NTM: variants seen among roughly 807,000 people sequenced by gnomAD.
NTM encodes IgLON family member 2.
A neutral mutation model predicts 42.1 loss-of-function variants in NTM; 13 were observed. The observed-to-expected ratio is 0.31, with a 90% CI of 0.20 to 0.49. The LOEUF (loss-of-function observed/expected upper bound fraction) is 0.49, where lower values mean the gene tolerates loss of function less well. NTM is among the 20% of genes least tolerant of loss of function. The probability of loss-of-function intolerance (pLI) is 0.99; values close to 1 mark genes in which losing one functional copy is unlikely to be tolerated. For missense variants in NTM, 373 were observed against 452.8 expected, an observed-to-expected ratio of 0.82 and a Z score of 1.60; for synonymous variants, 187 against 179.2, an observed-to-expected ratio of 1.04 and a Z score of -0.35.
At chr11:132,091,596 T>A (rs2136414287) in intron 2 of NTM, among the ~76,000 whole-genome samples, 1 of 151,932 alleles carries the variant, frequency 6.6e-6, no homozygotes, top group Admixed American at 6.6e-5. Context: ...TCCTCCCACC[T>A]CAGCCTCCCG....
chr11:131,835,906 A>G (rs2043424143), intron 1 of NTM, among the ~76,000 whole-genome samples: 1 of 152,214 alleles, frequency 6.6e-6, no homozygotes, highest in Non-Finnish European at 1.5e-5. Context: ...TACACATGTC[A>G]TAGAAGAGTG....
chr11:131,842,173 C>A (rs559205747), intron 1 of NTM, among the ~76,000 whole-genome samples: 9 of 152,260 alleles, frequency 5.9e-5, no homozygotes, highest in Non-Finnish European at 8.8e-5. Context: ...GGTTTTAGGG[C>A]AGAAGTTTCT....
chr11:131,760,857 T>C (rs945535924), intron 1 of NTM, among the ~76,000 whole-genome samples: 2 of 152,186 alleles, frequency 1.3e-5, no homozygotes, highest in African/African-American at 4.8e-5. Context: ...AAGAGGACTG[T>C]GCCCACGATG....
intron 2 of NTM, among the ~76,000 whole-genome samples, chr11:131,979,964 A>G (rs1439352251): frequency 1.3e-5 from 2 of 152,212 alleles, no homozygotes; most frequent in Non-Finnish European, 2.9e-5. Context: ...GGTGATAGAA[A>G]GGTGGCTTTA....
At chr11:131,415,708 G>A (rs1946873476) in intron 1 of NTM, among the ~76,000 whole-genome samples, 1 of 152,136 alleles carries the variant, frequency 6.6e-6, no homozygotes, top group Non-Finnish European at 1.5e-5. Context: ...TGGGGGTGAG[G>A]CCCAGAAATC....
chr11:131,796,117 G>A, intron 1 of NTM: 9 of 985,394 alleles, frequency 9.1e-6, no homozygotes, highest in Non-Finnish European at 1.1e-5. Flanking sequence ...TAGGGAACTG[G>A]CCACAGGAAG....
Position 132,200,542 on chromosome 11 carries a change from C to A in NTM, c.401-11480C>A, listed in dbSNP as rs560573122. Among the ~76,000 whole-genome samples, 27 of 152,280 alleles carry A rather than the reference C, an allele frequency of 1.8e-4. 1 individual carries two copies. In the South Asian group the frequency reaches 5.6e-3, roughly 32 times the overall value. On this transcript the variant is annotated intron_variant, in intron 3 of 8. Coordinates refer to ENST00000683400, the MANE Select transcript of NTM (RefSeq NM_001352005.2). ...CTTCTTACTGCAGTCAGCATAATTC[C>A]CTGCTGCATACAGTTTTATAGCTTG...
intron 2 of NTM, among the ~76,000 whole-genome samples, chr11:132,027,885 T>TTTG (rs1239005653): frequency 6.6e-6 from 1 of 152,192 alleles, no homozygotes; most frequent in Non-Finnish European, 1.5e-5. Context: ...TACACTTCCT[T>TTTG]TTGTAGTTGG....
chr11:132,314,845 C>A, intron 7 of NTM, 142 bp downstream of exon 7: 1 of 1,388,788 alleles, frequency 7.2e-7, no homozygotes, highest in Non-Finnish European at 9.3e-7. Flanking sequence ...AAGAGAGAGA[C>A]ACAGAAAGAA....
rs768642700 is a variant in NTM at position 132,307,786 on chromosome 11, C to T, written c.624C>T (p.Ala208=). 2.5e-5 allele frequency: 41 copies of T among 1,614,050 alleles called. No homozygotes were observed. Among genetic ancestry groups the T allele is most frequent in the Admixed American group, 5.0e-5 (3 of 59,996 alleles). ...DYECSASNDV[A]APVVRRVKVT... ...AGTGCAGTGCCTCCAATGACGTGGC[C>T]GCGCCCGTGGTACGGAGAGTAAAGG... Residue 208 remains alanine (A), a synonymous_variant, in exon 5 of 9, where the codon GCC becomes GCT. Coordinates refer to ENST00000683400, the MANE Select transcript of NTM (RefSeq NM_001352005.2).
intron 1 of NTM, among the ~76,000 whole-genome samples, chr11:131,869,096 GC>G (rs67492185): frequency 0.2 from 30,392 of 151,686 alleles, 3,462 homozygotes; most frequent in East Asian, 0.32. Context: ...TCACCCCCCA[GC>G]CCCCCGCAAT....
intron 2 of NTM, among the ~76,000 whole-genome samples, chr11:132,007,718 A>G (rs2071131873): frequency 6.6e-6 from 1 of 152,174 alleles, no homozygotes. Flanking sequence ...GTGTTTGTGT[A>G]TCAGGTTTTA....
In NTM at chr11:131,937,716, G is replaced by A. The variant is rs140589656; in HGVS notation, c.167+26068G>A. Reference sequence around the variant, plus strand: ...ATCTGGTTCTGGGTCTAACTCTAGCGATAAATTATAATTTTTTACTTCTAG... The same window carrying A: ...ATCTGGTTCTGGGTCTAACTCTAGCAATAAATTATAATTTTTTACTTCTAG... On this transcript the variant is annotated intron_variant, in intron 2 of 8. Coordinates refer to ENST00000683400, the MANE Select transcript of NTM (RefSeq NM_001352005.2). Among the ~76,000 whole-genome samples the A allele has an allele frequency of 1.6e-4, 25 of 152,190 alleles. No individual in the cohort carries two copies. In the East Asian group the frequency reaches 2.3e-3, roughly 14 times the overall value.
intron 1 of NTM, among the ~76,000 whole-genome samples, chr11:131,833,210 A>G (rs1283016569): frequency 1.3e-5 from 2 of 152,214 alleles, no homozygotes; most frequent in African/African-American, 4.8e-5. Context: ...ATTGTGGTGC[A>G]GTGGAAAGGT....
rs2061629251 is a variant in NTM at position 131,613,420 on chromosome 11, C to T, written c.82+242532C>T. Among the ~76,000 whole-genome samples, 3 of 152,268 alleles carry T rather than the reference C, an allele frequency of 2.0e-5. No individual in the cohort carries two copies. The South Asian group carries it at 6.2e-4, about 32-fold the overall frequency. On this transcript the variant is annotated intron_variant, in intron 1 of 8. Coordinates refer to ENST00000683400, the MANE Select transcript of NTM (RefSeq NM_001352005.2). The stretch of plus-strand genomic sequence containing the variant: ...GAGCACATTTTTCTTCCAGCTGGTG[C>T]AATGAGGAGGTTTCAGCCCCCATCC...
intron 1 of NTM, chr11:131,455,517 C>T (rs904872390): frequency 6.6e-6 from 1 of 152,232 alleles, no homozygotes; most frequent in African/African-American, 2.4e-5. Context: ...AATGGGTCCA[C>T]TGAGGTAGGG....
At chr11:131,382,271 G>C (rs1440987673) in intron 1 of NTM, among the ~76,000 whole-genome samples, 1 of 152,104 alleles carries the variant, frequency 6.6e-6, no homozygotes, top group Non-Finnish European at 1.5e-5. Flanking sequence ...TCCTGGAGGT[G>C]CAGGATCCCA....
chr11:131,673,183 A>G (rs1187996350), intron 1 of NTM, among the ~76,000 whole-genome samples: 1 of 152,114 alleles, frequency 6.6e-6, no homozygotes, highest in African/African-American at 2.4e-5. Context: ...GAGTACAACA[A>G]TGGATCAAGA....
chr11:131,426,677 C>T (rs539393075), intron 1 of NTM, among the ~76,000 whole-genome samples: 8 of 152,242 alleles, frequency 5.3e-5, no homozygotes, highest in South Asian at 2.1e-4. Context: ...CTGCACTTGT[C>T]GGAAGGCCCA....
Sources: gnomAD v4.1 joint callset for allele counts (sites outside exome capture counted in the v4.1 genomes callset) on GRCh38, gnomAD v4.1.1 for gene constraint, MANE v1.5 for transcripts, NCBI Gene and HGNC (gene_info 2026-07-23, HGNC 2026-07-21) for gene names.